The following SMYD3 variants were observed in gnomAD, a reference collection of about 807,000 sequenced individuals.
SMYD3 encodes histone-lysine N-methyltransferase SMYD3.
Under a neutral mutation model 57.7 loss-of-function variants are expected in SMYD3, and 36 were observed. The ratio of observed to expected loss-of-function variants is 0.62; its 90% confidence interval spans 0.48 to 0.82. The LOEUF is 0.82. Ranked by LOEUF, SMYD3 falls within the 40% of genes least tolerant of loss-of-function variation. SMYD3 has a pLI of 0.00. For missense variants in SMYD3, 515 were observed against 538.8 expected (o/e 0.96, Z 0.44); for synonymous variants, 211 against 195.0 (o/e 1.08, Z -0.68).
intron 5 of SMYD3, among the ~76,000 whole-genome samples, chr1:245,954,324 G>A (rs1174494072): frequency 6.6e-6 from 1 of 152,158 alleles, no homozygotes; most frequent in Non-Finnish European, 1.5e-5. Context: ...ATCAAGATGA[G>A]CCAGAGGCAG....
chr1:246,327,175 T>A (rs907225690), intron 5 of SMYD3, 26 bp downstream of exon 5: 7 of 1,612,982 alleles, frequency 4.3e-6, no homozygotes, highest in Admixed American at 3.4e-5. Context: ...TGTATGGAAT[T>A]AGCAAAGAGC....
chr1:245,908,671 A>G (rs2054749723), intron 8 of SMYD3, among the ~76,000 whole-genome samples: 1 of 152,242 alleles, frequency 6.6e-6, no homozygotes, highest in African/African-American at 2.4e-5. Context: ...GAAATCAGTA[A>G]AAGAAACTTT....
At chr1:245,751,571 A>AC (rs780355957) in intron 11 of SMYD3, among the ~76,000 whole-genome samples, 22 of 109,336 alleles carry the variant, frequency 2.0e-4, no homozygotes, top group African/African-American at 5.5e-4. Flanking sequence ...AGACAGAGAG[A>AC]AAGAGAAAGA....
chr1:246,244,774 T>A (rs1168260007), intron 5 of SMYD3, among the ~76,000 whole-genome samples: 1 of 152,376 alleles, frequency 6.6e-6, no homozygotes, highest in East Asian at 1.9e-4. Context: ...TTCTGTTGCC[T>A]ACTATAAACA....
rs553862602 is a variant in SMYD3, at chr1:246,439,785, T to TA, written c.164+67268dup. Among the ~76,000 whole-genome samples, 785 of 152,158 alleles carry TA rather than the reference T, an allele frequency of 5.2e-3. 6 individuals are homozygous for TA. Among genetic ancestry groups the TA allele is most frequent in the African/African-American group, 0.018 (739 of 41,504 alleles). On this transcript the variant is annotated intron_variant, in intron 1 of 11. Transcript: ENST00000490107. ...CAACGTGGCGAGACCACATCTCTAC[T>TA]AAAAAAACAGAAAAATTAGCTGGGA...
At chr1:245,851,524 T>C (rs901738279) in intron 10 of SMYD3, among the ~76,000 whole-genome samples, 4 of 152,204 alleles carry the variant, frequency 2.6e-5, no homozygotes, top group Non-Finnish European at 5.9e-5. Context: ...CTAAAGGCCA[T>C]ATTCGACTTC....
At chr1:246,459,410 C>G (rs112133872) in intron 1 of SMYD3, among the ~76,000 whole-genome samples, 1 of 151,858 alleles carries the variant, frequency 6.6e-6, no homozygotes, top group South Asian at 2.1e-4. Flanking sequence ...AGAGTTCTCG[C>G]GAGATCTTGT....
At chr1:246,056,350 G>A (rs577296113) in intron 5 of SMYD3, among the ~76,000 whole-genome samples, 1 of 152,080 alleles carries the variant, frequency 6.6e-6, no homozygotes, top group South Asian at 2.1e-4. Context: ...GTGCGGGCAG[G>A]GGGACATTCA....
intron 5 of SMYD3, among the ~76,000 whole-genome samples, chr1:246,297,513 A>T (rs529434018): frequency 6.6e-6 from 1 of 152,256 alleles, no homozygotes; most frequent in South Asian, 2.1e-4. Flanking sequence ...ACCCTCAACG[A>T]ACAAAGGTAA....
chr1:246,236,027 T>C (rs2063508072), intron 5 of SMYD3, among the ~76,000 whole-genome samples: 1 of 152,264 alleles, frequency 6.6e-6, no homozygotes, highest in African/African-American at 2.4e-5. Context: ...GATATATACA[T>C]TCCTGAAAAA....
chr1:246,445,567 T>C (rs192226244), intron 1 of SMYD3, among the ~76,000 whole-genome samples: 57 of 152,334 alleles, frequency 3.7e-4, no homozygotes, highest in Admixed American at 7.2e-4. Flanking sequence ...TCTAAATGCA[T>C]TTAAGATGCC....
intron 5 of SMYD3, among the ~76,000 whole-genome samples, chr1:246,234,916 C>T (rs1447791073): frequency 6.6e-6 from 1 of 152,120 alleles, no homozygotes; most frequent in African/African-American, 2.4e-5. Flanking sequence ...GAAGGAAAAT[C>T]AGGTCATTAC....
intron 5 of SMYD3, among the ~76,000 whole-genome samples, chr1:246,212,548 G>GT (rs1307279525): frequency 2.0e-5 from 3 of 151,760 alleles, no homozygotes; most frequent in Admixed American, 6.6e-5. Context: ...GCGTTTCTAG[G>GT]TTTTTTGTAT....
At chr1:245,767,307 GGGAAGAT>G (rs2046157329) in intron 10 of SMYD3, among the ~76,000 whole-genome samples, 1 of 152,182 alleles carries the variant, frequency 6.6e-6, no homozygotes, top group African/African-American at 2.4e-5. Context: ...AGAAGGTGAG[GGGAAGAT>G]GCACCTACAA....
chr1:245,881,926 C>T (rs759174220), intron 8 of SMYD3, among the ~76,000 whole-genome samples: 4 of 152,130 alleles, frequency 2.6e-5, no homozygotes, highest in Admixed American at 2.0e-4. Flanking sequence ...ATATTCCAGC[C>T]GTGAGCCTGA....
intron 1 of SMYD3, among the ~76,000 whole-genome samples, chr1:246,472,056 C>T (rs2067967739): frequency 1.4e-5 from 2 of 147,306 alleles, no homozygotes; most frequent in Admixed American, 1.4e-4. Context: ...TCAATGATTC[C>T]AGATGTTCTT....
chr1:246,325,326 T>C (rs1038796262), intron 5 of SMYD3, among the ~76,000 whole-genome samples: 1 of 148,466 alleles, frequency 6.7e-6, no homozygotes, highest in Non-Finnish European at 1.5e-5. Flanking sequence ...GGGAGTGATT[T>C]AAGGACAAAT....
intron 1 of SMYD3, among the ~76,000 whole-genome samples, chr1:246,375,574 G>C (rs1296521229): frequency 1.3e-5 from 2 of 152,056 alleles, no homozygotes; most frequent in African/African-American, 2.4e-5. Flanking sequence ...CAGCGAAGAT[G>C]TTCTACATTC....
intron 11 of SMYD3, among the ~76,000 whole-genome samples, chr1:245,761,271 G>A (rs1276681837): frequency 6.6e-6 from 1 of 152,102 alleles, no homozygotes; most frequent in Non-Finnish European, 1.5e-5. Flanking sequence ...CCAAGAATAG[G>A]AAAAGCTAAC....
Sources: gnomAD v4.1 joint callset for allele counts (sites outside exome capture counted in the v4.1 genomes callset) on GRCh38, gnomAD v4.1.1 for gene constraint, MANE v1.5 for transcripts, NCBI Gene and HGNC (gene_info 2026-07-23, HGNC 2026-07-21) for gene names.